Variants in KLHL29 observed in about 807,000 individuals in gnomAD.
The protein encoded by KLHL29 is kelch-like protein 29.
In KLHL29, 21 loss-of-function variants were observed where a neutral mutation model predicts 80.4. The observed-to-expected ratio is 0.26, with a 90% CI of 0.19 to 0.38. KLHL29 has a LOEUF of 0.38. Ranked by LOEUF, KLHL29 falls within the 10% of genes least tolerant of loss-of-function variation. The pLI, the probability that KLHL29 is intolerant of heterozygous loss-of-function variation, is 1.00. For missense variants in KLHL29, 867 were observed against 1,223.9 expected (o/e 0.71, Z 4.35); for synonymous variants, 511 against 526.8 (o/e 0.97, Z 0.41).
chr2:23,670,640 G>C lies in KLHL29; in HGVS notation c.941-13759G>C, dbSNP rs561281908. 3.0e-4 allele frequency among the ~76,000 whole-genome samples: 45 copies of C among 152,220 alleles called. 1 individual carries two copies. The highest frequency in any genetic ancestry group is 1.8e-3 in the Admixed American group (27 of 15,294). On this transcript the variant is annotated intron_variant, in intron 5 of 13. Transcript: ENST00000486442. ...ACTTTTCTTCTTTCATGCCTATTAAGATTTTCTAATATTCCTCTAATGATG... is the reference window on the plus strand; with the variant it reads ...ACTTTTCTTCTTTCATGCCTATTAACATTTTCTAATATTCCTCTAATGATG...
At position 23,642,491 on chromosome 2, in the gene KLHL29, G is replaced by T. The variant is rs1343708458; in HGVS notation, c.581G>T (p.Gly194Val). 1.3e-6 allele frequency: 2 copies of T among 1,516,048 alleles called. No homozygotes were observed. The highest frequency in any genetic ancestry group is 4.1e-5 in the Admixed American group (2 of 48,260). 93.9% of individuals were successfully genotyped at this position (1,516,048 alleles called of 1,614,324 possible). The change falls in exon 5 of 14, where the codon GGG becomes GTG. Residue 194 changes from glycine to valine, a missense_variant. Coordinates refer to ENST00000486442, the MANE Select transcript of KLHL29 (RefSeq NM_052920.2). ...GVTPSLPPHV[G>V]PQLPLMPGHY... is the part of the protein sequence containing the mutation. ...ACCCCCTCACTGCCTCCCCACGTGG[G>T]GCCCCAGCTCCCGCTGATGCCAGGC... is the stretch of plus-strand genomic sequence containing the variant.
intron 2 of KLHL29, among the ~76,000 whole-genome samples, chr2:23,515,913 G>A (rs532282748): frequency 2.3e-4 from 35 of 152,326 alleles, no homozygotes; most frequent in African/African-American, 6.3e-4. Context: ...CTGGTCTGCC[G>A]TGTTGATTGA....
intron 2 of KLHL29, among the ~76,000 whole-genome samples, chr2:23,523,013 T>C (rs1666154778): frequency 1.4e-5 from 2 of 146,194 alleles, no homozygotes; most frequent in Non-Finnish European, 3.0e-5. Flanking sequence ...TTAGAATCTA[T>C]GCGCCTGCCT....
chr2:23,389,028 T>C lies in KLHL29; in HGVS notation c.-154+3248T>C, dbSNP rs1192361026. ...TTTTTTTAAAATCCCAGTACTGTTA[T>C]GGCTTAGGCATTCTTTGTGTCATCG... On this transcript the variant is annotated intron_variant, in intron 1 of 13. Transcript: ENST00000486442. Among the ~76,000 whole-genome samples the C allele has an allele frequency of 2.8e-5, 4 of 144,780 alleles. No individual in the cohort carries two copies. In the South Asian group the frequency reaches 8.9e-4, roughly 32 times the overall value. 95.0% of individuals were successfully genotyped at this position (144,780 alleles called of 152,430 possible). A position where few individuals can be genotyped will look rare whatever the true frequency, so the allele number is the denominator to read the frequency against.
intron 3 of KLHL29, among the ~76,000 whole-genome samples, chr2:23,568,919 A>G (rs899923618): frequency 1.3e-5 from 2 of 152,226 alleles, no homozygotes; most frequent in East Asian, 1.9e-4. Flanking sequence ...ACCCACGTAC[A>G]TCTATCTACT....
At chr2:23,518,827 C>G (rs979369463) in intron 2 of KLHL29, among the ~76,000 whole-genome samples, 5 of 152,234 alleles carry the variant, frequency 3.3e-5, no homozygotes, top group Non-Finnish European at 5.9e-5. Flanking sequence ...TTTCTCCTAT[C>G]CCCATATCAT....
intron 2 of KLHL29, among the ~76,000 whole-genome samples, chr2:23,541,766 AAAAAAC>A (rs1368030963): frequency 3.6e-5 from 4 of 111,736 alleles, no homozygotes; most frequent in African/African-American, 1.4e-4. Flanking sequence ...AGCCCAACCC[AAAAAAC>A]AAAAAAAAAA....
intron 13 of KLHL29, among the ~76,000 whole-genome samples, chr2:23,704,402 G>A (rs959330378): frequency 2.6e-5 from 4 of 152,236 alleles, no homozygotes; most frequent in Non-Finnish European, 4.4e-5. Context: ...TTCTGGCCCT[G>A]TGGCAGCGAG....
In KLHL29 at chr2:23,703,626, G is replaced by A. The variant is rs747551569; in HGVS notation, c.2300-93G>A. 1.1e-5 allele frequency: 16 copies of A among 1,399,544 alleles called. No individual in the cohort carries two copies. In the Admixed American group the frequency reaches 1.5e-4, roughly 14 times the overall value. The allele number at this position is 1,399,544 out of a possible 1,614,324, so 86.7% of individuals were successfully genotyped here. Reference sequence around the variant, plus strand: ...ATCAGTCACTTGTTGGAAGTCTTTCGAGCTTCCTTCCCTGGAGGGTCTTCT... The same window carrying A: ...ATCAGTCACTTGTTGGAAGTCTTTCAAGCTTCCTTCCCTGGAGGGTCTTCT... On this transcript the variant is annotated intron_variant, in intron 12 of 13. Coordinates refer to ENST00000486442, the MANE Select transcript of KLHL29 (RefSeq NM_052920.2).
At chr2:23,558,054 C>T (rs1057150536) in intron 2 of KLHL29, among the ~76,000 whole-genome samples, 2 of 152,184 alleles carry the variant, frequency 1.3e-5, no homozygotes, top group African/African-American at 2.4e-5. Context: ...TAGATGTTTG[C>T]AAAGGGCCAG....
chr2:23,573,187 C>CA (rs1667761685), intron 3 of KLHL29, among the ~76,000 whole-genome samples: 1 of 152,230 alleles, frequency 6.6e-6, no homozygotes, highest in African/African-American at 2.4e-5. Context: ...CATTTGCAGT[C>CA]ACAGTATCAC....
At chr2:23,421,673 T>G (rs912659176) in intron 1 of KLHL29, among the ~76,000 whole-genome samples, 5 of 146,154 alleles carry the variant, frequency 3.4e-5, no homozygotes, top group Non-Finnish European at 6.0e-5. Context: ...GTGTGTGTGT[T>G]ATATGTTGTG....
intron 3 of KLHL29, among the ~76,000 whole-genome samples, chr2:23,630,715 C>G (rs1669446585): frequency 6.6e-6 from 1 of 152,064 alleles, no homozygotes; most frequent in Non-Finnish European, 1.5e-5. Context: ...CTTGAACTCC[C>G]AACCTCCAGT....
intron 3 of KLHL29, among the ~76,000 whole-genome samples, chr2:23,567,011 G>A (rs1667605681): frequency 6.6e-6 from 1 of 152,152 alleles, no homozygotes; most frequent in African/African-American, 2.4e-5. Context: ...TAAGGAACTG[G>A]GATGGCATCC....
chr2:23,538,223 G>A (rs1451231996), intron 2 of KLHL29, among the ~76,000 whole-genome samples: 1 of 152,176 alleles, frequency 6.6e-6, no homozygotes, highest in African/African-American at 2.4e-5. Context: ...TATGAACCAA[G>A]TAAGGCAGCC....
At chr2:23,537,383 GT>G (rs1666702832) in intron 2 of KLHL29, among the ~76,000 whole-genome samples, 2 of 124,938 alleles carry the variant, frequency 1.6e-5, no homozygotes, top group African/African-American at 5.8e-5. Context: ...TTCTAGTTGA[GT>G]TTGAGCTGCC....
At chr2:23,407,616 A>T (rs1666765320) in intron 1 of KLHL29, among the ~76,000 whole-genome samples, 1 of 151,990 alleles carries the variant, frequency 6.6e-6, no homozygotes, top group Non-Finnish European at 1.5e-5. Flanking sequence ...TGCTTATACG[A>T]ATCATCAACG....
At chr2:23,655,668 C>T (rs1028260769) in intron 5 of KLHL29, among the ~76,000 whole-genome samples, 21 of 152,234 alleles carry the variant, frequency 1.4e-4, no homozygotes, top group African/African-American at 4.8e-4. Context: ...TTAGCCCCTA[C>T]CTCAGGATCA....
intron 3 of KLHL29, among the ~76,000 whole-genome samples, chr2:23,594,120 G>A (rs1668336175): frequency 6.6e-6 from 1 of 152,208 alleles, no homozygotes; most frequent in South Asian, 2.1e-4. Flanking sequence ...AATGACAGGG[G>A]TGTCGAGGAG....
Sources: allele counts gnomAD v4.1 joint callset (sites outside exome capture counted in the v4.1 genomes callset), GRCh38; gene constraint gnomAD v4.1.1; transcripts MANE v1.5; gene names NCBI Gene and HGNC (gene_info 2026-07-23, HGNC 2026-07-21).